RIPOR3: variants seen among roughly 807,000 people sequenced by gnomAD.
RIPOR3 encodes RIPOR family member 3, also known as family with sequence similarity 65 member C.
In RIPOR3, 95 loss-of-function variants were observed where a neutral mutation model predicts 114.3. The ratio of observed to expected loss-of-function variants is 0.83; its 90% CI spans 0.70 to 0.99. The LOEUF is 0.99. Ranked by LOEUF, RIPOR3 falls within the 50% of genes least tolerant of loss-of-function variation. RIPOR3 has a pLI of 0.00. For synonymous variants in RIPOR3, 575 were observed against 543.8 expected (o/e 1.06, Z -0.80); for missense variants, 1,252 against 1,266.9 (o/e 0.99, Z 0.18).
intron 16 of RIPOR3, 60 bp from the exon 17 acceptor site, chr20:50,594,774 C>A: frequency 6.4e-7 from 1 of 1,554,044 alleles, no homozygotes; most frequent in South Asian, 1.2e-5. Context: ...GACAAGGACC[C>A]GAAAGGTTTC....
intron 18 of RIPOR3, 105 bp from the exon 19 acceptor site, chr20:50,592,651 C>T (rs2083151213): frequency 1.9e-6 from 2 of 1,073,798 alleles, no homozygotes; most frequent in Non-Finnish European, 1.3e-6. Context: ...GAACAAATCC[C>T]AGACCCACCG....
At chr20:50,590,123 G>A (rs1012754786) in intron 19 of RIPOR3, 10 of 256,264 alleles carry the variant, frequency 3.9e-5, no homozygotes, top group Non-Finnish European at 7.1e-5. Flanking sequence ...TCCCATGTGC[G>A]TTGCCCTCTT....
At chr20:50,594,417 C>G in intron 17 of RIPOR3, 136 bp downstream of exon 17, 1 of 1,082,890 alleles carries the variant, frequency 9.2e-7, no homozygotes. Flanking sequence ...GCTGAGAAAG[C>G]TCCTCCGTCC....
chr20:50,610,119 C>A (rs1283357069), intron 6 of RIPOR3, among the ~76,000 whole-genome samples: 1 of 142,098 alleles, frequency 7.0e-6, no homozygotes, highest in Non-Finnish European at 1.5e-5. Context: ...TCACCTGCCA[C>A]CCCGGCCTCA....
intron 14 of RIPOR3, chr20:50,597,376 C>A: frequency 1.5e-6 from 1 of 678,002 alleles, no homozygotes; most frequent in Non-Finnish European, 2.4e-6. Context: ...GTGATCTCAC[C>A]CACTTCGTGG....
At chr20:50,653,759 T>G (rs893685149) in intron 1 of RIPOR3, among the ~76,000 whole-genome samples, 3 of 152,154 alleles carry the variant, frequency 2.0e-5, no homozygotes, top group African/African-American at 7.2e-5. Context: ...TTGGCTACTT[T>G]TTGAATTTTT....
chr20:50,670,874 C>G lies in RIPOR3; in HGVS notation c.3+20252G>C, dbSNP rs142027950. Among the ~76,000 whole-genome samples the G allele has an allele frequency of 1.1e-3, 161 of 152,218 alleles. 1 individual carries two copies. Among genetic ancestry groups the G allele is most frequent in the African/African-American group, 3.7e-3 (154 of 41,548 alleles). ...GCCAAGGCAGCTTCTAGCATGGCCTCCAGTGATCCCACCTCCTGGCCTGAG... is the reference window on the plus strand; with the variant it reads ...GCCAAGGCAGCTTCTAGCATGGCCTGCAGTGATCCCACCTCCTGGCCTGAG... On this transcript the variant is annotated intron_variant, in intron 1 of 21. Coordinates refer to ENST00000327979, the MANE Select transcript of RIPOR3 (RefSeq NM_001290268.2).
chr20:50,683,319 A>G (rs780638131), intron 1 of RIPOR3, among the ~76,000 whole-genome samples: 2 of 152,186 alleles, frequency 1.3e-5, no homozygotes, highest in Admixed American at 6.5e-5. Context: ...AGGTGGGACC[A>G]TGGGTTCACA....
rs138473960 is a variant in RIPOR3 at position 50,588,632 on chromosome 20, G to C, written c.2662-740C>G. On this transcript the variant is annotated intron_variant, in intron 20 of 21. Coordinates refer to ENST00000327979, the MANE Select transcript of RIPOR3 (RefSeq NM_001290268.2). Reference sequence around the variant, plus strand: ...TTTTTAAAGCTTTATGCACAAACATGATCATAAGACATGATTTATGATAAA... The same window carrying C: ...TTTTTAAAGCTTTATGCACAAACATCATCATAAGACATGATTTATGATAAA... 5.5e-3 allele frequency among the ~76,000 whole-genome samples: 826 copies of C among 150,258 alleles called. 6 individuals carry two copies. The highest frequency in any genetic ancestry group is 0.011 in the Middle Eastern group (3 of 284).
At chr20:50,609,959 A>ACCACCC (rs1568854323) in intron 6 of RIPOR3, among the ~76,000 whole-genome samples, 1 of 114,232 alleles carries the variant, frequency 8.8e-6, no homozygotes. Context: ...ACCTGCCACC[A>ACCACCC]CTGCCTCACC....
At position 50,677,497 on chromosome 20, in the gene RIPOR3, G is replaced by A. The variant is rs868650308; in HGVS notation, c.3+13629C>T. Among the ~76,000 whole-genome samples, 8 of 149,452 alleles carry A rather than the reference G, an allele frequency of 5.4e-5. 1 individual carries two copies. The Middle Eastern group carries it at 0.01, about 195-fold the overall frequency. On this transcript the variant is annotated intron_variant, in intron 1 of 21. Transcript: ENST00000327979. ...AGCGATTCTTCTGCCTCAGCCTCCT[G>A]AGTAGCTGGGATGACAGACACACAC...
chr20:50,626,184 C>T (rs924631931), intron 2 of RIPOR3, among the ~76,000 whole-genome samples: 5 of 152,262 alleles, frequency 3.3e-5, no homozygotes, highest in Non-Finnish European at 7.3e-5. Flanking sequence ...CCCCAGGGAG[C>T]TCGACGGAGA....
chr20:50,609,883 G>A (rs550465117), intron 6 of RIPOR3, among the ~76,000 whole-genome samples, 161 bp from the exon 7 acceptor site: 1 of 152,182 alleles, frequency 6.6e-6, no homozygotes, highest in African/African-American at 2.4e-5. Context: ...ATTCAAAGCA[G>A]TCACCCCTGG....
At chr20:50,653,732 A>G (rs2085704073) in intron 1 of RIPOR3, among the ~76,000 whole-genome samples, 1 of 152,046 alleles carries the variant, frequency 6.6e-6, no homozygotes, top group Non-Finnish European at 1.5e-5. Context: ...GTGGGACTAC[A>G]GGCATGCACC....
intron 13 of RIPOR3, among the ~76,000 whole-genome samples, chr20:50,599,818 T>C (rs1268489829): frequency 1.3e-5 from 2 of 152,056 alleles, no homozygotes; most frequent in African/African-American, 4.8e-5. Context: ...TTTTAGCAAG[T>C]AAGTAAATTC....
At chr20:50,640,513 G>C (rs1181338748) in intron 1 of RIPOR3, among the ~76,000 whole-genome samples, 2 of 138,948 alleles carry the variant, frequency 1.4e-5, no homozygotes, top group Admixed American at 7.3e-5. Flanking sequence ...AGCTCCATGC[G>C]GGGAGGATGT....
intron 21 of RIPOR3, among the ~76,000 whole-genome samples, 154 bp downstream of exon 21, chr20:50,587,648 G>A (rs2082964575): frequency 6.6e-6 from 1 of 152,238 alleles, no homozygotes; most frequent in Non-Finnish European, 1.5e-5. Flanking sequence ...ATGCTACAAA[G>A]GGTGGAGGTC....
chr20:50,661,242 T>TA (rs201768087), intron 1 of RIPOR3, among the ~76,000 whole-genome samples: 8,569 of 145,246 alleles, frequency 0.059, 518 homozygotes, highest in African/African-American at 0.15. Context: ...TCTTAAAAAA[T>TA]AAAAAAAAAA....
In RIPOR3 at chr20:50,691,526, G is replaced by A; in HGVS notation, c.-398C>T. On this transcript the variant is annotated 5_prime_UTR_variant, in exon 1 of 22. Transcript: ENST00000327979. ...TCTGGACGCGGCCGATTGCTTGTCA[G>A]TGTCACTCCCAGCTCTGCCGGGGGG... The A allele has an allele frequency of 5.4e-6, 1 of 185,130 alleles. No individual in the cohort carries two copies. The highest frequency in any genetic ancestry group is 1.1e-5 in the Non-Finnish European group (1 of 87,350). The allele number at this position is 185,130 out of a possible 1,614,324, so 11.5% of individuals were successfully genotyped here. A position where few individuals can be genotyped will look rare whatever the true frequency, so the allele number is the denominator to read the frequency against.
Sources: allele counts gnomAD v4.1 joint callset (sites outside exome capture counted in the v4.1 genomes callset), GRCh38; gene constraint gnomAD v4.1.1; transcripts MANE v1.5; gene names NCBI Gene and HGNC (gene_info 2026-07-23, HGNC 2026-07-21).